The following NALF1 variants were observed in gnomAD, a reference collection of about 807,000 sequenced individuals.
NALF1 encodes the protein family with sequence similarity 155 member A.
Under a neutral mutation model 48.4 loss-of-function variants are expected in NALF1, and 3 were observed. The observed-to-expected ratio is 0.06, with a 90% CI of 0.03 to 0.16. The LOEUF is 0.16. NALF1 is among the 10% of genes least tolerant of loss of function. The pLI, the probability that NALF1 is intolerant of heterozygous loss-of-function variation, is 1.00. For missense variants in NALF1, 526 were observed against 571.5 expected (o/e 0.92, Z 0.81); for synonymous variants, 262 against 245.7 (o/e 1.07, Z -0.62).
intron 2 of NALF1, among the ~76,000 whole-genome samples, chr13:107,175,767 G>A (rs903771227): frequency 6.6e-6 from 1 of 152,128 alleles, no homozygotes; most frequent in African/African-American, 2.4e-5. Flanking sequence ...TCCTCCAGTT[G>A]GCAGTGCTAC....
chr13:107,310,875 G>A (rs1314347058), intron 1 of NALF1, among the ~76,000 whole-genome samples: 1 of 152,036 alleles, frequency 6.6e-6, no homozygotes, highest in Non-Finnish European at 1.5e-5. Context: ...TGGTCAGGCT[G>A]GTCTCAAACT....
intron 1 of NALF1, among the ~76,000 whole-genome samples, chr13:107,645,761 G>A (rs945903002): frequency 1.6e-4 from 24 of 151,346 alleles, no homozygotes; most frequent in African/African-American, 5.8e-4. Flanking sequence ...TCTGCCCTGA[G>A]CAGCTTAATC....
chr13:107,555,039 G>A (rs190151691), intron 1 of NALF1, among the ~76,000 whole-genome samples: 17 of 152,168 alleles, frequency 1.1e-4, no homozygotes, highest in East Asian at 5.8e-4. Context: ...AGGTTGTGCC[G>A]TAAAGCAATC....
intron 1 of NALF1, among the ~76,000 whole-genome samples, chr13:107,525,591 G>T (rs180983094): frequency 1.3e-5 from 2 of 152,164 alleles, no homozygotes; most frequent in Admixed American, 1.3e-4. Flanking sequence ...ACAAACTTTG[G>T]TATAAACATA....
At chr13:107,244,242 C>T (rs1251187255) in intron 1 of NALF1, among the ~76,000 whole-genome samples, 2 of 152,116 alleles carry the variant, frequency 1.3e-5, no homozygotes, top group Non-Finnish European at 2.9e-5. Flanking sequence ...ATTGCCATAG[C>T]GATTTTTCAG....
chr13:107,835,966 C>A (rs1344967920), intron 1 of NALF1, among the ~76,000 whole-genome samples: 1 of 152,046 alleles, frequency 6.6e-6, no homozygotes, highest in Non-Finnish European at 1.5e-5. Context: ...CAGCACAGAG[C>A]CGGTCTGCTT....
intron 1 of NALF1, among the ~76,000 whole-genome samples, chr13:107,314,282 C>T (rs548292422): frequency 2.6e-5 from 4 of 152,174 alleles, no homozygotes; most frequent in African/African-American, 9.6e-5. Context: ...TTCTGGAATC[C>T]GCTTTCCACT....
At chr13:107,443,159 T>TC (rs1884589579) in intron 1 of NALF1, among the ~76,000 whole-genome samples, 1 of 147,966 alleles carries the variant, frequency 6.8e-6, no homozygotes, top group Non-Finnish European at 1.5e-5. Context: ...TTATTATTTA[T>TC]TTATCTAACA....
chr13:107,784,732 C>CA (rs1345614101), intron 1 of NALF1, among the ~76,000 whole-genome samples: 3 of 151,596 alleles, frequency 2.0e-5, no homozygotes, highest in African/African-American at 7.3e-5. Flanking sequence ...TGGCCATAAT[C>CA]AAAAAATCAA....
At chr13:107,175,906 C>T (rs560152113) in intron 2 of NALF1, among the ~76,000 whole-genome samples, 2 of 152,276 alleles carry the variant, frequency 1.3e-5, no homozygotes, top group South Asian at 4.1e-4. Flanking sequence ...GTCCACTTGA[C>T]TCAAGTCAAG....
chr13:107,297,286 G>A lies in NALF1; in HGVS notation c.916-86531C>T, dbSNP rs548056037. On this transcript the variant is annotated intron_variant, in intron 1 of 2. Coordinates refer to ENST00000375915, the MANE Select transcript of NALF1 (RefSeq NM_001080396.3). ...GTTGAGGACGTAGTAAGCACAAAAT[G>A]AATGTTTGCTAGAATGTTTTAGTGA... 1.3e-4 allele frequency among the ~76,000 whole-genome samples: 20 copies of A among 152,278 alleles called. 1 individual carries two copies. The South Asian group carries it at 4.1e-3, about 32-fold the overall frequency.
chr13:107,226,447 CA>C (rs1440527195), intron 1 of NALF1, among the ~76,000 whole-genome samples: 7 of 152,126 alleles, frequency 4.6e-5, no homozygotes, highest in Non-Finnish European at 8.8e-5. Context: ...AAAAATTATC[CA>C]ATAATCTGTT....
chr13:107,538,370 A>G (rs1334423678), intron 1 of NALF1, among the ~76,000 whole-genome samples: 1 of 152,122 alleles, frequency 6.6e-6, no homozygotes, highest in Non-Finnish European at 1.5e-5. Flanking sequence ...CACAAAGTGT[A>G]TTTTATAAAA....
At chr13:107,653,527 T>C (rs939822757) in intron 1 of NALF1, among the ~76,000 whole-genome samples, 1 of 152,064 alleles carries the variant, frequency 6.6e-6, no homozygotes, top group African/African-American at 2.4e-5. Flanking sequence ...TGTTGGCATC[T>C]GTCAGCAATG....
chr13:107,626,379 G>A (rs1311900210), intron 1 of NALF1, among the ~76,000 whole-genome samples: 2 of 151,834 alleles, frequency 1.3e-5, no homozygotes, highest in Non-Finnish European at 2.9e-5. Flanking sequence ...ACTAGCAATA[G>A]AACTACCATA....
intron 1 of NALF1, among the ~76,000 whole-genome samples, chr13:107,252,628 C>A (rs1880726240): frequency 6.6e-6 from 1 of 152,134 alleles, no homozygotes; most frequent in Non-Finnish European, 1.5e-5. Context: ...TATTCTAATT[C>A]CTTGCAAGTG....
chr13:107,773,032 A>T (rs1446610597), intron 1 of NALF1, among the ~76,000 whole-genome samples: 1 of 152,216 alleles, frequency 6.6e-6, no homozygotes, highest in Non-Finnish European at 1.5e-5. Context: ...TTAAATGAGT[A>T]CAGTGTACCT....
At chr13:107,611,970 A>AG (rs1018498803) in intron 1 of NALF1, among the ~76,000 whole-genome samples, 2 of 144,196 alleles carry the variant, frequency 1.4e-5, no homozygotes, top group Non-Finnish European at 3.0e-5. Flanking sequence ...ACGAAGAAGA[A>AG]AGAAGAGAAG....
chr13:107,850,056 A>G (rs552140633), intron 1 of NALF1, among the ~76,000 whole-genome samples: 83 of 152,358 alleles, frequency 5.4e-4, no homozygotes, highest in African/African-American at 1.8e-3. Context: ...CAAAAAATAA[A>G]TGTAAAATTG....
Sources: gnomAD v4.1 joint callset for allele counts (sites outside exome capture counted in the v4.1 genomes callset) on GRCh38, gnomAD v4.1.1 for gene constraint, MANE v1.5 for transcripts, NCBI Gene and HGNC (gene_info 2026-07-23, HGNC 2026-07-21) for gene names.